RAB31: variants seen among roughly 807,000 people sequenced by gnomAD.
The protein encoded by RAB31 is RAB31, member RAS oncogene family.
A neutral mutation model predicts 25.6 loss-of-function variants in RAB31; 21 were observed. The ratio of observed to expected loss-of-function variants is 0.82; its 90% CI spans 0.58 to 1.18. The LOEUF (loss-of-function observed/expected upper bound fraction) is 1.18. Ranked by LOEUF, RAB31 falls within the 50% of genes most tolerant of loss-of-function variation. The probability of loss-of-function intolerance (pLI) is 0.00; values close to 1 mark genes in which losing one functional copy is unlikely to be tolerated. For synonymous variants in RAB31, 87 were observed against 84.0 expected (o/e 1.04, Z -0.20); for missense variants, 196 against 250.1 (o/e 0.78, Z 1.46).
intron 5 of RAB31, among the ~76,000 whole-genome samples, chr18:9,819,050 C>T (rs892513218): frequency 1.3e-5 from 2 of 152,086 alleles, no homozygotes; most frequent in Admixed American, 6.5e-5. Flanking sequence ...ACATGTAATT[C>T]GCAAATATTT....
intron 1 of RAB31, among the ~76,000 whole-genome samples, chr18:9,772,760 G>A (rs2068351652): frequency 6.6e-6 from 1 of 152,198 alleles, no homozygotes. Context: ...GCTGCCTGCT[G>A]TAAGGGGCAA....
intron 3 of RAB31, among the ~76,000 whole-genome samples, chr18:9,811,082 G>A (rs796969030): frequency 1.1e-4 from 17 of 152,270 alleles, no homozygotes; most frequent in Admixed American, 2.0e-4. Flanking sequence ...GTGTTGGGCC[G>A]TCAGTGAGTA....
intron 1 of RAB31, among the ~76,000 whole-genome samples, chr18:9,737,711 C>T (rs138275332): frequency 1.1e-3 from 174 of 152,250 alleles, no homozygotes; most frequent in African/African-American, 3.6e-3. Context: ...GTTGTCACGA[C>T]GGCAGAAAAT....
intron 5 of RAB31, among the ~76,000 whole-genome samples, chr18:9,835,368 T>A (rs1345012873): frequency 2.0e-5 from 3 of 151,534 alleles, no homozygotes; most frequent in African/African-American, 7.3e-5. Flanking sequence ...TCTTCAGGAC[T>A]AGGCTGAATT....
chr18:9,721,597 CAG>C (rs1322958417), intron 1 of RAB31, among the ~76,000 whole-genome samples: 2 of 143,678 alleles, frequency 1.4e-5, no homozygotes, highest in Non-Finnish European at 3.0e-5. Context: ...ACCTGGCTGA[CAG>C]AGCGAGACTC....
At chr18:9,763,186 T>C (rs2068297880) in intron 1 of RAB31, among the ~76,000 whole-genome samples, 1 of 152,194 alleles carries the variant, frequency 6.6e-6, no homozygotes, top group South Asian at 2.1e-4. Flanking sequence ...GAAAGTGTCC[T>C]GGCCGTAACA....
rs557994503 is a variant in RAB31 at position 9,729,648 on chromosome 18, C to T, written c.39+21204C>T. Among the ~76,000 whole-genome samples, 174 of 151,350 alleles carry T rather than the reference C, an allele frequency of 1.1e-3. 2 individuals are homozygous for T. Among genetic ancestry groups the T allele is most frequent in the Non-Finnish European group, 1.2e-4 (8 of 67,906 alleles). On this transcript the variant is annotated intron_variant, in intron 1 of 6. Transcript: ENST00000578921. ...AAGAACCAGCTAGGGATTTAGTCTC[C>T]CCTCCCCCACCCCCCTCTAAATGCC...
At chr18:9,709,157 G>A (rs1212335206) in intron 1 of RAB31, among the ~76,000 whole-genome samples, 3 of 152,114 alleles carry the variant, frequency 2.0e-5, no homozygotes, top group Non-Finnish European at 4.4e-5. Context: ...TTCTCCGCCC[G>A]AAGAAGCCTT....
intron 1 of RAB31, among the ~76,000 whole-genome samples, chr18:9,739,217 G>A (rs566291402): frequency 1.1e-4 from 17 of 152,322 alleles, no homozygotes; most frequent in South Asian, 4.1e-4. Flanking sequence ...GCTTACGCCC[G>A]TAATCCCAGC....
At chr18:9,726,227 A>T (rs1382026881) in intron 1 of RAB31, 1 of 152,222 alleles carries the variant, frequency 6.6e-6, no homozygotes, top group African/African-American at 2.4e-5. Flanking sequence ...GGGTTCAGGA[A>T]ATGTCAGTTT....
At chr18:9,795,895 A>G (rs904609349) in intron 3 of RAB31, among the ~76,000 whole-genome samples, 8 of 152,210 alleles carry the variant, frequency 5.3e-5, no homozygotes, top group African/African-American at 1.9e-4. Flanking sequence ...ATCAACCCAG[A>G]GGAAGTCATT....
chr18:9,750,813 AC>A (rs1391540961), intron 1 of RAB31, among the ~76,000 whole-genome samples: 2 of 152,126 alleles, frequency 1.3e-5, no homozygotes, highest in African/African-American at 4.8e-5. Flanking sequence ...TCATCTGCAA[AC>A]TTTTGGCCTT....
chr18:9,814,973 C>T, intron 4 of RAB31, 143 bp from the exon 5 acceptor site: 1 of 568,240 alleles, frequency 1.8e-6, no homozygotes, highest in Non-Finnish European at 3.1e-6. Flanking sequence ...AACTTTTGTG[C>T]CTAGACAGAG....
At chr18:9,794,235 A>C (rs975003978) in intron 3 of RAB31, among the ~76,000 whole-genome samples, 2 of 152,212 alleles carry the variant, frequency 1.3e-5, no homozygotes, top group Non-Finnish European at 2.9e-5. Flanking sequence ...TTCTAAAAGG[A>C]AGAATCCAGG....
At chr18:9,811,619 A>G (rs1431390732) in intron 3 of RAB31, among the ~76,000 whole-genome samples, 1 of 152,198 alleles carries the variant, frequency 6.6e-6, no homozygotes, top group Non-Finnish European at 1.5e-5. Context: ...AATTTATGCT[A>G]TACAGATGCT....
rs376706354 is a variant in RAB31, at chr18:9,709,228, C to T, written c.39+784C>T. ...CGGCCCGGGGACTGCAGACAGGGGA[C>T]CCGGCGAGGACGCAGGGAGCCGCTG... On this transcript the variant is annotated intron_variant, in intron 1 of 6. Coordinates refer to ENST00000578921, the MANE Select transcript of RAB31 (RefSeq NM_006868.4). Among the ~76,000 whole-genome samples the T allele has an allele frequency of 3.3e-5, 5 of 152,262 alleles. No homozygotes were observed. The South Asian group carries it at 1.0e-3, about 32-fold the overall frequency.
intron 1 of RAB31, among the ~76,000 whole-genome samples, chr18:9,720,545 G>T (rs1383897468): frequency 6.6e-6 from 1 of 152,112 alleles, no homozygotes; most frequent in African/African-American, 2.4e-5. Context: ...GGGCGTGTCT[G>T]GGAGCCGGTG....
intron 3 of RAB31, among the ~76,000 whole-genome samples, chr18:9,808,893 T>G (rs1258011506): frequency 6.6e-6 from 1 of 152,228 alleles, no homozygotes; most frequent in African/African-American, 2.4e-5. Flanking sequence ...TTTCCACCAC[T>G]GCTCATTCCC....
intron 2 of RAB31, among the ~76,000 whole-genome samples, chr18:9,778,405 T>G (rs1271120138): frequency 6.6e-6 from 1 of 152,138 alleles, no homozygotes; most frequent in Non-Finnish European, 1.5e-5. Flanking sequence ...AATTGACCCT[T>G]GAACAACTCG....
Sources: allele counts gnomAD v4.1 joint callset (sites outside exome capture counted in the v4.1 genomes callset), GRCh38; gene constraint gnomAD v4.1.1; transcripts MANE v1.5; gene names NCBI Gene and HGNC (gene_info 2026-07-23, HGNC 2026-07-21).